Variants in PLEKHA7 observed in about 807,000 individuals in gnomAD.
The protein encoded by PLEKHA7 is pleckstrin homology domain containing A7.
Under a neutral mutation model 170.0 loss-of-function variants are expected in PLEKHA7, and 104 were observed. The ratio of observed to expected loss-of-function variants is 0.61; its 90% confidence interval spans 0.52 to 0.72. The LOEUF (loss-of-function observed/expected upper bound fraction) is 0.72. Ranked by LOEUF, PLEKHA7 falls within the 30% of genes least tolerant of loss-of-function variation. The probability of loss-of-function intolerance (pLI) is 0.00; values close to 1 mark genes in which losing one functional copy is unlikely to be tolerated. For missense variants in PLEKHA7, 1,615 were observed against 1,671.7 expected (o/e 0.97, Z 0.59); for synonymous variants, 648 against 660.8 (o/e 0.98, Z 0.30).
At chr11:16,917,456 CAA>C (rs1048169032) in intron 3 of PLEKHA7, among the ~76,000 whole-genome samples, 1 of 152,176 alleles carries the variant, frequency 6.6e-6, no homozygotes, top group African/African-American at 2.4e-5. Context: ...GGACTGAAAT[CAA>C]AGAGTCAGCA....
chr11:16,850,093 C>A (rs1029236043), intron 8 of PLEKHA7, among the ~76,000 whole-genome samples: 1 of 152,210 alleles, frequency 6.6e-6, no homozygotes, highest in Non-Finnish European at 1.5e-5. Flanking sequence ...ACCATGGACA[C>A]CACAGACCAA....
intron 3 of PLEKHA7, among the ~76,000 whole-genome samples, chr11:16,888,318 C>T (rs542434049): frequency 3.5e-5 from 5 of 143,720 alleles, no homozygotes; most frequent in Admixed American, 6.9e-5. Flanking sequence ...ACCCTCTGCC[C>T]GGCCGGCACC....
At chr11:16,980,444 A>C (rs1409518144) in intron 3 of PLEKHA7, among the ~76,000 whole-genome samples, 1 of 151,658 alleles carries the variant, frequency 6.6e-6, no homozygotes, top group Admixed American at 6.6e-5. Context: ...ATCCCCAGAC[A>C]CTCCCCAGTC....
At chr11:16,992,874 T>A (rs747152221) in intron 3 of PLEKHA7, among the ~76,000 whole-genome samples, 22 of 152,154 alleles carry the variant, frequency 1.4e-4, no homozygotes, top group Middle Eastern at 3.2e-3. Flanking sequence ...GAATAACACC[T>A]TTTAGGGCTA....
At chr11:16,941,621 TACA>T (rs1445783865) in intron 3 of PLEKHA7, among the ~76,000 whole-genome samples, 11 of 152,232 alleles carry the variant, frequency 7.2e-5, no homozygotes, top group Non-Finnish European at 8.8e-5. Context: ...TCCTATTTAA[TACA>T]ACATTTAATT....
chr11:16,903,543 G>T (rs1857468241), intron 3 of PLEKHA7, among the ~76,000 whole-genome samples: 1 of 152,222 alleles, frequency 6.6e-6, no homozygotes, highest in East Asian at 1.9e-4. Flanking sequence ...CCAACACTCA[G>T]GGATTATGGA....
chr11:16,878,991 T>C (rs1855512105), intron 3 of PLEKHA7, among the ~76,000 whole-genome samples: 1 of 152,080 alleles, frequency 6.6e-6, no homozygotes, highest in Non-Finnish European at 1.5e-5. Flanking sequence ...TCAACTCCCC[T>C]GTAAAGGAGG....
Position 16,789,342 on chromosome 11 carries a change from G to GTCCTCT in PLEKHA7, c.3157-47_3157-46insAGAGGA. On this transcript the variant is annotated intron_variant, in intron 22 of 26. Coordinates refer to ENST00000531066, the MANE Select transcript of PLEKHA7 (RefSeq NM_001329630.2). This position sits in a 1 kb window ranked among gnomAD's most constrained non-coding sequence, Gnocchi z 4.6. ...AAGAGAGACACAGAACAGCTGGGCTGGGCACGCAGAGGACAGCCACCCTGC... is the reference window on the plus strand; with the variant it reads ...AAGAGAGACACAGAACAGCTGGGCTGTCCTCTGGCACGCAGAGGACAGCCACCCTGC... 6.3e-7 allele frequency: 1 copy of GTCCTCT among 1,589,530 alleles called. No individual in the cohort carries two copies. Among genetic ancestry groups the GTCCTCT allele is most frequent in the Non-Finnish European group, 8.6e-7 (1 of 1,163,242 alleles).
chr11:16,900,298 A>T (rs1259521461), intron 3 of PLEKHA7, among the ~76,000 whole-genome samples: 3 of 152,128 alleles, frequency 2.0e-5, no homozygotes, highest in Admixed American at 6.5e-5. Context: ...ATTTCACTTC[A>T]CTGATCCATA....
Position 16,782,966 on chromosome 11 carries a change from C to A in PLEKHA7, c.3651-70G>T, listed in dbSNP as rs926258259. 4 of 1,481,828 alleles carry A rather than the reference C, an allele frequency of 2.7e-6. 1 individual carries two copies. The highest frequency in any genetic ancestry group is 3.6e-6 in the Non-Finnish European group (4 of 1,105,970). 91.8% of individuals were successfully genotyped at this position (1,481,828 alleles called of 1,614,324 possible). A position where few individuals can be genotyped will look rare whatever the true frequency, so the allele number is the denominator to read the frequency against. On this transcript the variant is annotated intron_variant, in intron 25 of 26. Transcript: ENST00000531066. Reference sequence around the variant, plus strand: ...TAGCAGCCTCAGGAGTGGAGGGTCTCCCTGGCCTAGAGGTTCTCAACATTT... The same window carrying A: ...TAGCAGCCTCAGGAGTGGAGGGTCTACCTGGCCTAGAGGTTCTCAACATTT...
rs1441585834 is a variant in PLEKHA7 at position 17,014,206 on chromosome 11, G to A, written c.87-5C>T. 1.3e-6 allele frequency: 2 copies of A among 1,569,900 alleles called. No individual in the cohort carries two copies. Among genetic ancestry groups the A allele is most frequent in the East Asian group, 2.5e-5 (1 of 40,118 alleles). ...GTCGTGCAGCGGAGCTGGTCACTGC[G>A]GGCAGAGAGGTGCACCTGTTAGCGC... On this transcript the variant is annotated splice_polypyrimidine_tract_variant and splice_region_variant and intron_variant, in intron 1 of 26. Transcript: ENST00000531066.
At chr11:16,972,864 G>C (rs906418403) in intron 3 of PLEKHA7, among the ~76,000 whole-genome samples, 1 of 152,166 alleles carries the variant, frequency 6.6e-6, no homozygotes, top group African/African-American at 2.4e-5. Flanking sequence ...AGAAACCTCG[G>C]CCAGTAACCA....
intron 3 of PLEKHA7, among the ~76,000 whole-genome samples, chr11:16,935,864 A>C (rs1056664671): frequency 1.6e-4 from 25 of 152,212 alleles, no homozygotes; most frequent in Non-Finnish European, 2.9e-4. Context: ...TTGGCACTCC[A>C]AGAGCACACA....
At chr11:16,938,069 C>T (rs1477657141) in intron 3 of PLEKHA7, among the ~76,000 whole-genome samples, 2 of 152,114 alleles carry the variant, frequency 1.3e-5, no homozygotes, top group East Asian at 3.8e-4. Context: ...TTGTCCTTTT[C>T]CTCTTACTTA....
chr11:16,880,498 A>G (rs1855629905), intron 3 of PLEKHA7, among the ~76,000 whole-genome samples: 1 of 152,180 alleles, frequency 6.6e-6, no homozygotes, highest in Admixed American at 6.5e-5. Flanking sequence ...ACTCCAATAG[A>G]GTTGTTTTGC....
At chr11:16,975,496 T>A (rs11024095) in intron 3 of PLEKHA7, among the ~76,000 whole-genome samples, 42,876 of 152,042 alleles carry the variant, frequency 0.28, 7,269 homozygotes, top group East Asian at 0.58. Flanking sequence ...GCTCTCCATA[T>A]CCATGGGTTC....
At chr11:16,925,927 A>T (rs7395923) in intron 3 of PLEKHA7, among the ~76,000 whole-genome samples, 1 of 152,154 alleles carries the variant, frequency 6.6e-6, no homozygotes, top group African/African-American at 2.4e-5. Flanking sequence ...GGGAGGGAAA[A>T]GGGCGGAGGG....
In PLEKHA7 at chr11:16,986,860, C is replaced by G. The variant is rs571179597; in HGVS notation, c.221+27129G>C. 3.9e-5 allele frequency among the ~76,000 whole-genome samples: 6 copies of G among 152,226 alleles called. No homozygotes were observed. The East Asian group carries it at 1.2e-3, about 29-fold the overall frequency. On this transcript the variant is annotated intron_variant, in intron 3 of 26. Coordinates refer to ENST00000531066, the MANE Select transcript of PLEKHA7 (RefSeq NM_001329630.2). ...CACCTACTATATGATCTTCCTTGTA[C>G]CAGGAAGGGAGGCAGGAAAGGGGCA...
chr11:16,890,449 T>A (rs1470890643), intron 3 of PLEKHA7, among the ~76,000 whole-genome samples: 3 of 152,084 alleles, frequency 2.0e-5, no homozygotes, highest in African/African-American at 7.2e-5. Flanking sequence ...TGGAAAAAAA[T>A]ATTCCATGCA....
Sources: allele counts gnomAD v4.1 joint callset (sites outside exome capture counted in the v4.1 genomes callset), GRCh38; gene constraint gnomAD v4.1.1; non-coding constraint Gnocchi (gnomAD v3.1); transcripts MANE v1.5; gene names NCBI Gene and HGNC (gene_info 2026-07-23, HGNC 2026-07-21).